The following ADGRV1 variants were observed in gnomAD, a reference collection of about 807,000 sequenced individuals.
ADGRV1 encodes G-protein coupled receptor 98.
In ADGRV1, 359 loss-of-function variants were observed where a neutral mutation model predicts 596.2. The ratio of observed to expected loss-of-function variants is 0.60; its 90% confidence interval spans 0.55 to 0.66. ADGRV1 has a LOEUF of 0.66. ADGRV1 is among the 30% of genes least tolerant of loss of function. The pLI, the probability that ADGRV1 is intolerant of heterozygous loss-of-function variation, is 0.00. For synonymous variants in ADGRV1, 2,681 were observed against 2,679.2 expected (o/e 1.00, Z -0.02); for missense variants, 7,274 against 7,575.6 (o/e 0.96, Z 1.48).
intron 58 of ADGRV1, chr5:90,760,098 C>A (rs1385650185): frequency 3.3e-5 from 5 of 150,766 alleles, no homozygotes; most frequent in East Asian, 3.9e-4. Context: ...TATGGTGAAA[C>A]CCCGTCTCTA....
intron 29 of ADGRV1, among the ~76,000 whole-genome samples, chr5:90,686,850 A>G (rs936925000): frequency 1.4e-4 from 21 of 152,162 alleles, no homozygotes; most frequent in African/African-American, 3.9e-4. Flanking sequence ...AAGTGTTCCT[A>G]TTTCTCCACA....
intron 86 of ADGRV1, among the ~76,000 whole-genome samples, chr5:91,077,227 T>C (rs935765368): frequency 6.6e-6 from 1 of 152,166 alleles, no homozygotes; most frequent in Non-Finnish European, 1.5e-5. Context: ...ACTGGTAGAC[T>C]AGGCCAAAAC....
At chr5:91,145,633 A>G (rs1176287380) in intron 87 of ADGRV1, among the ~76,000 whole-genome samples, 1 of 149,356 alleles carries the variant, frequency 6.7e-6, no homozygotes, top group African/African-American at 2.5e-5. Flanking sequence ...AATTTAGAAT[A>G]TTATTATTGT....
At chr5:90,918,709 C>T (rs372766308) in intron 83 of ADGRV1, among the ~76,000 whole-genome samples, 277 of 152,256 alleles carry the variant, frequency 1.8e-3, no homozygotes, top group African/African-American at 6.3e-3. Flanking sequence ...CAATGTCTTG[C>T]ATATGATAGG....
chr5:90,562,097 T>A (rs1471176356), intron 1 of ADGRV1, among the ~76,000 whole-genome samples: 1 of 152,174 alleles, frequency 6.6e-6, no homozygotes, highest in African/African-American at 2.4e-5. Context: ...TCCTGTCGAA[T>A]CAGGGTGAGA....
At chr5:90,849,318 ATAAT>A (rs1766243297) in intron 79 of ADGRV1, among the ~76,000 whole-genome samples, 1 of 152,188 alleles carries the variant, frequency 6.6e-6, no homozygotes, top group South Asian at 2.1e-4. Context: ...TATTAACTAC[ATAAT>A]TAATTTTATA....
At position 90,652,365 on chromosome 5, in the gene ADGRV1, T is replaced by G. The variant is rs757503755; in HGVS notation, c.3436T>G (p.Tyr1146Asp). Residue 1146 changes from tyrosine to aspartate, a missense_variant, in exon 19 of 90, where the codon TAC (tyrosine) becomes GAC (aspartate). Tyr to Asp is a radical substitution (Grantham distance 160, BLOSUM62 -3). Around this residue, in one of 5 missense-constraint regions of ADGRV1, gnomAD observed 1,715 missense variants for 1,708.8 expected, o/e 1.00. Coordinates refer to ENST00000405460, the MANE Select transcript of ADGRV1 (RefSeq NM_032119.4). ...TTGTAGGATTTTGAGGCACCGAGGA[T>G]ACTTTGGTAGTGTTTCTGTATCTTG... is the stretch of plus-strand genomic sequence containing the variant. ...NAFWILRHRGYFGSVSVSWQL... is the reference protein window; with the variant it reads ...NAFWILRHRGDFGSVSVSWQL... The G allele has an allele frequency of 6.3e-7, 1 of 1,595,998 alleles. No individual in the cohort carries two copies. Among genetic ancestry groups the G allele is most frequent in the Non-Finnish European group, 8.5e-7 (1 of 1,172,414 alleles).
At chr5:90,583,650 C>G (rs578159236) in intron 1 of ADGRV1, among the ~76,000 whole-genome samples, 2 of 152,008 alleles carry the variant, frequency 1.3e-5, no homozygotes, top group African/African-American at 4.8e-5. Context: ...ATGATAGCCA[C>G]AAAAAACATC....
At position 90,711,164 on chromosome 5, in the gene ADGRV1, GT is replaced by G. The variant is rs769882518; in HGVS notation, c.8904-13del. 5.0e-6 allele frequency: 8 copies of G among 1,587,816 alleles called. No individual in the cohort carries two copies. The highest frequency in any genetic ancestry group is 2.2e-5 in the East Asian group (1 of 44,700). ...AAATTAATTTTTTTTGTTTGTTTTT[GT>G]TTTTTTGCTATATTATAGGTTTGAA... On this transcript the variant is annotated intron_variant, in intron 40 of 89. Coordinates refer to ENST00000405460, the MANE Select transcript of ADGRV1 (RefSeq NM_032119.4).
chr5:90,638,235 T>C (rs531074171), intron 11 of ADGRV1, among the ~76,000 whole-genome samples: 1 of 151,702 alleles, frequency 6.6e-6, no homozygotes, highest in African/African-American at 2.4e-5. Flanking sequence ...AGCTAATATG[T>C]TGTTATATTA....
chr5:91,129,255 A>T (rs920677108), intron 87 of ADGRV1, among the ~76,000 whole-genome samples: 1 of 150,780 alleles, frequency 6.6e-6, no homozygotes, highest in African/African-American at 2.4e-5. Flanking sequence ...ATTATTAAAC[A>T]TCTACTTTTA....
In ADGRV1 at chr5:90,781,521, A is replaced by G; in HGVS notation, c.13174A>G (p.Lys4392Glu). ...NISIVRIIIM[K>E]NDNAEGIIEF... ...CTCCATTGTTCGCATCATAATAATG[A>G]AAAATGATAACGCAGAAGGCATCAT... Residue 4392 changes from lysine (K) to glutamate (E), a missense_variant, in exon 65 of 90, where the codon AAA (lysine) becomes GAA (glutamate). Physicochemically the swap from Lys to Glu is moderately conservative, Grantham distance 56. Transcript: ENST00000405460. 6.2e-7 allele frequency: 1 copy of G among 1,611,390 alleles called. No homozygotes were observed. Among genetic ancestry groups the G allele is most frequent in the Non-Finnish European group, 8.5e-7 (1 of 1,178,498 alleles).
chr5:91,125,270 A>G (rs1793651957), intron 87 of ADGRV1, among the ~76,000 whole-genome samples: 2 of 152,210 alleles, frequency 1.3e-5, no homozygotes, highest in Admixed American at 1.3e-4. Context: ...TCTGCTGCTG[A>G]CATGGCGTAC....
rs535809688 is a variant in ADGRV1 at position 90,903,036 on chromosome 5, A to G, written c.17856+39179A>G. Among the ~76,000 whole-genome samples, 27 of 152,274 alleles carry G rather than the reference A, an allele frequency of 1.8e-4. No individual in the cohort carries two copies. The South Asian group carries it at 4.8e-3, about 27-fold the overall frequency. ...TTTTCATTGAGTTGGCTTCAATACT[A>G]TGTTTTTATGAACCATGTGTAGCAA... On this transcript the variant is annotated intron_variant, in intron 83 of 89. Transcript: ENST00000405460.
chr5:91,009,594 A>G (rs1316145100), intron 85 of ADGRV1, among the ~76,000 whole-genome samples: 1 of 152,162 alleles, frequency 6.6e-6, no homozygotes, highest in Non-Finnish European at 1.5e-5. Flanking sequence ...ATTTAGAACC[A>G]GATAATGAAA....
rs760557325 is a variant in ADGRV1 at position 90,658,024 on chromosome 5, G to A, written c.4498G>A (p.Ala1500Thr). 5 of 1,613,798 alleles carry A rather than the reference G, an allele frequency of 3.1e-6. No individual in the cohort carries two copies. In the Admixed American group the frequency reaches 6.7e-5, roughly 22 times the overall value. ...LTLEEIYELH[A>T]MPAKSDLHPI... Reference sequence around the variant, plus strand: ...GCTTGAAGAAATTTATGAACTTCATGCCATGCCCGCAAAAAGTGATTTACA... The same window carrying A: ...GCTTGAAGAAATTTATGAACTTCATACCATGCCCGCAAAAAGTGATTTACA... Residue 1500 changes from alanine to threonine, a missense_variant, in exon 21 of 90, where the codon GCC (alanine) becomes ACC (threonine). By Grantham distance (58) the Ala-to-Thr change is moderately conservative. Coordinates refer to ENST00000405460, the MANE Select transcript of ADGRV1 (RefSeq NM_032119.4).
chr5:90,773,280 G>C (rs1208375637), intron 59 of ADGRV1, among the ~76,000 whole-genome samples: 1 of 151,984 alleles, frequency 6.6e-6, no homozygotes, highest in Non-Finnish European at 1.5e-5. Context: ...TGAATAATAT[G>C]ATGGGAAGAG....
intron 45 of ADGRV1, among the ~76,000 whole-genome samples, chr5:90,722,306 G>A (rs1751151121): frequency 6.6e-6 from 1 of 151,896 alleles, no homozygotes; most frequent in South Asian, 2.1e-4. Flanking sequence ...CATTAAGATG[G>A]AATTCCAAAA....
In ADGRV1 at chr5:90,892,411, A is replaced by G. The variant is rs544426896; in HGVS notation, c.17856+28554A>G. Among the ~76,000 whole-genome samples the G allele has an allele frequency of 1.1e-4, 17 of 152,232 alleles. No homozygotes were observed. The South Asian group carries it at 3.3e-3, about 30-fold the overall frequency. ...CCCAGATCCCAAAGAACAAAGTCTT[A>G]TGTCATTCAGGCCTGGCAATTTGAA... On this transcript the variant is annotated intron_variant, in intron 83 of 89. Transcript: ENST00000405460.
Sources: gnomAD v4.1 joint callset for allele counts (sites outside exome capture counted in the v4.1 genomes callset) on GRCh38, gnomAD v4.1.1 for gene constraint, gnomAD v4.1.1 regional missense constraint, MANE v1.5 for transcripts, NCBI Gene and HGNC (gene_info 2026-07-23, HGNC 2026-07-21) for gene names.